IPCEF1: variants seen among roughly 807,000 people sequenced by gnomAD.
IPCEF1 encodes interaction protein for cytohesin exchange factors 1.
A neutral mutation model predicts 50.9 loss-of-function variants in IPCEF1; 31 were observed. The ratio of observed to expected loss-of-function variants is 0.61; its 90% confidence interval spans 0.46 to 0.82. The LOEUF (loss-of-function observed/expected upper bound fraction) is 0.82, where lower values mean the gene tolerates loss of function less well. IPCEF1 is among the 40% of genes least tolerant of loss of function. The pLI, the probability that IPCEF1 is intolerant of heterozygous loss-of-function variation, is 0.00. For synonymous variants in IPCEF1, 181 were observed against 192.0 expected, an observed-to-expected ratio of 0.94 and a Z score of 0.47; for missense variants, 458 against 514.0, an observed-to-expected ratio of 0.89 and a Z score of 1.05.
chr6:154,317,803 A>G (rs1030854622), intron 1 of IPCEF1, among the ~76,000 whole-genome samples: 5 of 152,130 alleles, frequency 3.3e-5, no homozygotes, highest in African/African-American at 1.2e-4. Context: ...TCTTATAAAC[A>G]TAATATGTTC....
chr6:154,227,313 T>C (rs1404853765), intron 5 of IPCEF1, among the ~76,000 whole-genome samples: 1 of 152,246 alleles, frequency 6.6e-6, no homozygotes, highest in East Asian at 1.9e-4. Flanking sequence ...GATTAGTTTC[T>C]AGACAACTCA....
chr6:154,335,298 C>G (rs138600632), intron 1 of IPCEF1, among the ~76,000 whole-genome samples: 165 of 152,304 alleles, frequency 1.1e-3, no homozygotes, highest in African/African-American at 3.5e-3. Context: ...TCTCTGTGCC[C>G]CATCTTGCCA....
intron 5 of IPCEF1, among the ~76,000 whole-genome samples, chr6:154,234,202 G>T (rs1340883350): frequency 6.6e-6 from 1 of 152,058 alleles, no homozygotes; most frequent in African/African-American, 2.4e-5. Flanking sequence ...TCTAAAAAAA[G>T]AAAAATACAT....
intron 10 of IPCEF1, among the ~76,000 whole-genome samples, chr6:154,197,756 A>G (rs9478523): frequency 0.094 from 14,271 of 152,276 alleles, 1,016 homozygotes; most frequent in African/African-American, 0.2. Context: ...CTCCAGGGTT[A>G]TCTCTTGGGA....
intron 2 of IPCEF1, among the ~76,000 whole-genome samples, chr6:154,275,204 G>A (rs1052681686): frequency 2.0e-5 from 3 of 152,188 alleles, no homozygotes; most frequent in African/African-American, 7.2e-5. Context: ...ATGCTGAAGC[G>A]TGATTCTAAG....
intron 1 of IPCEF1, among the ~76,000 whole-genome samples, chr6:154,353,373 C>G (rs1048575817): frequency 6.8e-6 from 1 of 147,738 alleles, no homozygotes; most frequent in Non-Finnish European, 1.5e-5. Flanking sequence ...CGGCTCACTG[C>G]GCCTCCCGGA....
intron 3 of IPCEF1, among the ~76,000 whole-genome samples, chr6:154,259,513 G>A (rs1303730024): frequency 6.6e-5 from 10 of 152,166 alleles, no homozygotes; most frequent in South Asian, 2.1e-4. Flanking sequence ...TTAGCCGGGC[G>A]TGGTGGCATG....
intron 9 of IPCEF1, among the ~76,000 whole-genome samples, chr6:154,205,045 T>C (rs1777378588): frequency 6.6e-6 from 1 of 152,186 alleles, no homozygotes; most frequent in Non-Finnish European, 1.5e-5. Flanking sequence ...GGACCTCCAC[T>C]GAAATATCAC....
chr6:154,181,052 G>C (rs1340103034), intron 10 of IPCEF1, among the ~76,000 whole-genome samples: 1 of 152,114 alleles, frequency 6.6e-6, no homozygotes, highest in Non-Finnish European at 1.5e-5. Context: ...CTTTACACAT[G>C]TTATTTAATA....
chr6:154,192,318 CTGTGTGTGTG>C (rs56231733), intron 10 of IPCEF1, among the ~76,000 whole-genome samples: 2,793 of 148,108 alleles, frequency 0.019, 48 homozygotes, highest in African/African-American at 0.049. Context: ...CACGTGGTTA[CTGTGTGTGTG>C]TGTGTGTGTG....
At chr6:154,187,275 C>T (rs942078317) in intron 10 of IPCEF1, among the ~76,000 whole-genome samples, 3 of 152,164 alleles carry the variant, frequency 2.0e-5, no homozygotes, top group African/African-American at 4.8e-5. Context: ...CTCTCTAACC[C>T]CCTTGCCCTG....
chr6:154,191,020 C>T (rs1449094232), intron 10 of IPCEF1, among the ~76,000 whole-genome samples: 3 of 152,032 alleles, frequency 2.0e-5, no homozygotes, highest in Non-Finnish European at 4.4e-5. Context: ...CGCGCCACTG[C>T]ACTGCAGCCT....
At chr6:154,214,130 T>G in intron 8 of IPCEF1, 88 bp downstream of exon 8, 2 of 864,354 alleles carry the variant, frequency 2.3e-6, no homozygotes. Flanking sequence ...GATCAGACTA[T>G]ACATAGAACT....
At chr6:154,231,172 G>C (rs1312035453) in intron 5 of IPCEF1, among the ~76,000 whole-genome samples, 2 of 152,170 alleles carry the variant, frequency 1.3e-5, no homozygotes, top group Non-Finnish European at 2.9e-5. Context: ...ACAGACTCAT[G>C]ACCACTAGAG....
At chr6:154,285,965 G>T (rs1782349717) in intron 2 of IPCEF1, among the ~76,000 whole-genome samples, 1 of 152,140 alleles carries the variant, frequency 6.6e-6, no homozygotes, top group Non-Finnish European at 1.5e-5. Context: ...AATATAACCT[G>T]ATGTTCAAAT....
At chr6:154,214,779 A>C (rs1186911566) in intron 7 of IPCEF1, among the ~76,000 whole-genome samples, 9 of 152,272 alleles carry the variant, frequency 5.9e-5, no homozygotes, top group Non-Finnish European at 1.2e-4. Context: ...GGTATTTTTA[A>C]ACTAGAACAA....
chr6:154,347,815 A>C (rs1410509651), intron 1 of IPCEF1, among the ~76,000 whole-genome samples: 1 of 152,168 alleles, frequency 6.6e-6, no homozygotes, highest in African/African-American at 2.4e-5. Flanking sequence ...AGGAAACGTG[A>C]GCTCGTGGGG....
rs201148174 is a variant in IPCEF1, at chr6:154,159,993, C to T, written c.1152G>A (p.Pro384=). ...LAMINQLLDD[P]KLTARKYREW... is the part of the protein sequence containing the mutation. ...CTCTGTATTTCCTGGCTGTCAGCTT[C>T]GGGTCATCCAGCAACTGGTTAATCA... The change falls in exon 12 of 12, where the codon CCG becomes CCA. Residue 384 remains proline (P), a synonymous_variant. Coordinates refer to ENST00000367220, the MANE Select transcript of IPCEF1 (RefSeq NM_001130700.2). 1.7e-4 allele frequency: 276 copies of T among 1,612,472 alleles called. 1 individual carries two copies. The highest frequency in any genetic ancestry group is 7.8e-4 in the Middle Eastern group (4 of 5,160).
At chr6:154,257,950 G>A (rs1301185224) in intron 3 of IPCEF1, among the ~76,000 whole-genome samples, 7 of 152,112 alleles carry the variant, frequency 4.6e-5, no homozygotes, top group East Asian at 3.8e-4. Context: ...TGATCCTCTC[G>A]CCTAGGTCTT....
Sources: gnomAD v4.1 joint callset for allele counts (sites outside exome capture counted in the v4.1 genomes callset) on GRCh38, gnomAD v4.1.1 for gene constraint, MANE v1.5 for transcripts, NCBI Gene and HGNC (gene_info 2026-07-23, HGNC 2026-07-21) for gene names.